Variants in DNAH9 observed in about 807,000 individuals in gnomAD.
The protein encoded by DNAH9 is dynein axonemal heavy chain 9, also known as DNAH9 variant protein.
Under a neutral mutation model 471.6 loss-of-function variants are expected in DNAH9, and 345 were observed. The ratio of observed to expected loss-of-function variants is 0.73; its 90% CI spans 0.67 to 0.80. The LOEUF is 0.80. Among genes scored for constraint, DNAH9 ranks in the 30% least tolerant of loss-of-function variants. DNAH9 has a pLI of 0.00. For synonymous variants in DNAH9, 2,093 were observed against 2,123.6 expected, an observed-to-expected ratio of 0.99 and a Z score of 0.40; for missense variants, 5,407 against 5,609.2, an observed-to-expected ratio of 0.96 and a Z score of 1.15.
At chr17:11,816,451 A>G (rs1970099285) in intron 45 of DNAH9, among the ~76,000 whole-genome samples, 1 of 152,244 alleles carries the variant, frequency 6.6e-6, no homozygotes, top group African/African-American at 2.4e-5. Context: ...GTGCCATTAA[A>G]TACTACTATT....
rs1387297193 is a variant in DNAH9 at position 11,768,543 on chromosome 17, T to A, written c.7261T>A (p.Tyr2421Asn). Residue 2421 changes from tyrosine to asparagine, a missense_variant, in exon 37 of 69, where the codon TAC becomes AAC. Physicochemically the swap from Tyr to Asn is moderately radical, Grantham distance 143. Transcript: ENST00000262442. ...FPSQGTIFDY[Y>N]IDPETKKFEP... Reference sequence around the variant, plus strand: ...TTCCCAAGGAACCATCTTTGACTATTACATCGACCCAGAGACCAAGAAATT... The same window carrying A: ...TTCCCAAGGAACCATCTTTGACTATAACATCGACCCAGAGACCAAGAAATT... 4 of 1,614,180 alleles carry A rather than the reference T, an allele frequency of 2.5e-6. No individual in the cohort carries two copies. The highest frequency in any genetic ancestry group is 3.4e-6 in the Non-Finnish European group (4 of 1,180,032).
At chr17:11,743,953 C>A (rs1415020665) in intron 30 of DNAH9, among the ~76,000 whole-genome samples, 1 of 151,946 alleles carries the variant, frequency 6.6e-6, no homozygotes, top group Non-Finnish European at 1.5e-5. Flanking sequence ...CCTCAGCCTC[C>A]TGAGTAGCTG....
chr17:11,810,805 G>A (rs1005707927), intron 45 of DNAH9, among the ~76,000 whole-genome samples: 3 of 152,160 alleles, frequency 2.0e-5, no homozygotes, highest in African/African-American at 7.2e-5. Context: ...ACACAGTAGG[G>A]CAAGATGAGG....
chr17:11,658,005 T>G (rs577866184), intron 14 of DNAH9, among the ~76,000 whole-genome samples: 69 of 152,176 alleles, frequency 4.5e-4, no homozygotes, highest in Middle Eastern at 3.4e-3. Context: ...TATAAGTTCT[T>G]TACATATCCA....
chr17:11,765,728 C>T (rs1967907320), intron 36 of DNAH9, among the ~76,000 whole-genome samples: 1 of 152,198 alleles, frequency 6.6e-6, no homozygotes, highest in Non-Finnish European at 1.5e-5. Flanking sequence ...ACTCCTTTGA[C>T]AGCTTTACAT....
chr17:11,625,331 C>T (rs2072949883), intron 6 of DNAH9, among the ~76,000 whole-genome samples: 1 of 152,198 alleles, frequency 6.6e-6, no homozygotes, highest in East Asian at 1.9e-4. Context: ...CTAATATCCA[C>T]ACCGCGTTTC....
intron 33 of DNAH9, among the ~76,000 whole-genome samples, chr17:11,754,410 C>G (rs1376920517): frequency 1.3e-5 from 2 of 152,284 alleles, no homozygotes; most frequent in Admixed American, 6.5e-5. Flanking sequence ...ATACCGCTTT[C>G]CACAATGGAT....
At chr17:11,868,135 G>A (rs1972126483) in intron 50 of DNAH9, among the ~76,000 whole-genome samples, 1 of 152,164 alleles carries the variant, frequency 6.6e-6, no homozygotes, top group African/African-American at 2.4e-5. Flanking sequence ...CAATTTGCTT[G>A]GTGTAATGGG....
chr17:11,837,780 C>T (rs1327081083), intron 49 of DNAH9, among the ~76,000 whole-genome samples: 2 of 152,238 alleles, frequency 1.3e-5, no homozygotes, highest in Non-Finnish European at 1.5e-5. Context: ...TGTGCCACCT[C>T]TTCTGCATCA....
At chr17:11,779,950 C>A (rs1426078370) in intron 38 of DNAH9, among the ~76,000 whole-genome samples, 2 of 152,224 alleles carry the variant, frequency 1.3e-5, no homozygotes, top group Admixed American at 1.3e-4. Context: ...TTGACACTTT[C>A]TCCTTGTTTA....
At position 11,846,363 on chromosome 17, in the gene DNAH9, T is replaced by A. The variant is rs527321025; in HGVS notation, c.9508-7640T>A. Among the ~76,000 whole-genome samples, 7 of 150,542 alleles carry A rather than the reference T, an allele frequency of 4.6e-5. No individual in the cohort carries two copies. In the South Asian group the frequency reaches 1.3e-3, roughly 27 times the overall value. On this transcript the variant is annotated intron_variant, in intron 49 of 68. Coordinates refer to ENST00000262442, the MANE Select transcript of DNAH9 (RefSeq NM_001372.4). The stretch of plus-strand genomic sequence containing the variant: ...CTCTGTTCTGTTCCATTGATCTATA[T>A]CTCTGTTTTGGTACCAGTACCATGC...
At chr17:11,913,642 C>T (rs886378086) in intron 61 of DNAH9, among the ~76,000 whole-genome samples, 7 of 151,898 alleles carry the variant, frequency 4.6e-5, no homozygotes, top group Non-Finnish European at 8.8e-5. Flanking sequence ...ATTAGCTGGG[C>T]GTGGTGGCAG....
intron 28 of DNAH9, among the ~76,000 whole-genome samples, chr17:11,733,875 A>C (rs904460835): frequency 4.6e-5 from 7 of 151,802 alleles, no homozygotes; most frequent in African/African-American, 1.7e-4. Flanking sequence ...AAAAAAAAAA[A>C]AAAAGTAAAA....
chr17:11,798,734 C>A (rs1186629876), intron 43 of DNAH9, among the ~76,000 whole-genome samples: 7 of 152,134 alleles, frequency 4.6e-5, no homozygotes, highest in Non-Finnish European at 8.8e-5. Flanking sequence ...ATTTCAACTT[C>A]TTTGAACTTT....
intron 22 of DNAH9, among the ~76,000 whole-genome samples, chr17:11,694,713 T>G: frequency 1.6e-4 from 1 of 6,142 alleles, no homozygotes; most frequent in African/African-American, 2.0e-4. Context: ...TCTCTCTCTC[T>G]CTCTCTCTCT....
intron 26 of DNAH9, among the ~76,000 whole-genome samples, chr17:11,708,006 C>CAGAGAGAGAG (rs1567736983): frequency 2.1e-5 from 1 of 48,286 alleles, no homozygotes; most frequent in East Asian, 6.8e-4. Context: ...CACACACACA[C>CAGAGAGAGAG]ACACACACAG....
At chr17:11,806,226 A>C (rs1038621444) in intron 43 of DNAH9, among the ~76,000 whole-genome samples, 1 of 152,224 alleles carries the variant, frequency 6.6e-6, no homozygotes, top group East Asian at 1.9e-4. Flanking sequence ...CTTTTGATCA[A>C]TTCTACCCAG....
intron 41 of DNAH9, among the ~76,000 whole-genome samples, chr17:11,787,981 A>G (rs1968930891): frequency 1.3e-5 from 2 of 152,198 alleles, no homozygotes; most frequent in Non-Finnish European, 2.9e-5. Flanking sequence ...TATCAGCAGC[A>G]TGAAAACGGA....
At chr17:11,852,533 A>G (rs1971459662) in intron 49 of DNAH9, among the ~76,000 whole-genome samples, 1 of 151,936 alleles carries the variant, frequency 6.6e-6, no homozygotes, top group South Asian at 2.1e-4. Flanking sequence ...CTGAGCTGGG[A>G]GCTCAGCCCA....
Sources: allele counts gnomAD v4.1 joint callset (sites outside exome capture counted in the v4.1 genomes callset), GRCh38; gene constraint gnomAD v4.1.1; transcripts MANE v1.5; gene names NCBI Gene and HGNC (gene_info 2026-07-23, HGNC 2026-07-21).